Variants in HMCN1 observed in about 807,000 individuals in gnomAD.
HMCN1 encodes the protein hemicentin-1.
In HMCN1, 321 loss-of-function variants were observed where a neutral mutation model predicts 625.9. The ratio of observed to expected loss-of-function variants is 0.51; its 90% CI spans 0.47 to 0.56. HMCN1 has a LOEUF of 0.56. HMCN1 is among the 20% of genes least tolerant of loss of function. HMCN1 has a pLI of 0.00. For missense variants in HMCN1, 6,588 were observed against 6,887.3 expected, an observed-to-expected ratio of 0.96 and a Z score of 1.54; for synonymous variants, 2,425 against 2,417.6, an observed-to-expected ratio of 1.00 and a Z score of -0.09.
At chr1:185,967,615 A>C (rs927397302) in intron 14 of HMCN1, among the ~76,000 whole-genome samples, 1 of 152,030 alleles carries the variant, frequency 6.6e-6, no homozygotes, top group African/African-American at 2.4e-5. Context: ...TAAACAGAGT[A>C]GAGTTAGGAC....
At position 186,123,071 on chromosome 1, in the gene HMCN1, G is replaced by A. The variant is rs146369421; in HGVS notation, c.12350G>A (p.Arg4117His). The change falls in exon 81 of 107, where the codon CGT becomes CAT. Residue 4117 changes from arginine (R) to histidine (H), a missense_variant. Physicochemically the swap from Arg to His is conservative, Grantham distance 29. Transcript: ENST00000271588. ...GACATTACATGGCATAAAGATGGGCGTGCAATTGTGGAATCTATCCGCCAG... is the reference window on the plus strand; with the variant it reads ...GACATTACATGGCATAAAGATGGGCATGCAATTGTGGAATCTATCCGCCAG... ...PPDITWHKDGRAIVESIRQRV... is the reference protein window; with the variant it reads ...PPDITWHKDGHAIVESIRQRV... 8.7e-6 allele frequency: 14 copies of A among 1,613,968 alleles called. No individual in the cohort carries two copies. The highest frequency in any genetic ancestry group is 2.2e-5 in the South Asian group (2 of 91,084).
At chr1:185,889,193 C>T (rs1383116984) in intron 4 of HMCN1, among the ~76,000 whole-genome samples, 5 of 145,588 alleles carry the variant, frequency 3.4e-5, no homozygotes, top group Non-Finnish European at 4.4e-5. Context: ...TGCTTATCAG[C>T]TTAAGGAGAT....
chr1:185,931,883 T>C (rs1418163265), intron 10 of HMCN1, among the ~76,000 whole-genome samples: 7 of 152,234 alleles, frequency 4.6e-5, no homozygotes, highest in Non-Finnish European at 1.0e-4. Context: ...AACTGAACTA[T>C]TAATTTCACT....
At chr1:185,861,639 T>C (rs1346150418) in intron 2 of HMCN1, among the ~76,000 whole-genome samples, 3 of 152,234 alleles carry the variant, frequency 2.0e-5, no homozygotes, top group Non-Finnish European at 4.4e-5. Flanking sequence ...TCTGTCTATT[T>C]CCCACTTTCC....
At chr1:186,163,122 TC>T (rs1266246807) in intron 97 of HMCN1, among the ~76,000 whole-genome samples, 3 of 151,940 alleles carry the variant, frequency 2.0e-5, no homozygotes, top group Non-Finnish European at 2.9e-5. Flanking sequence ...CGGGCGCCCC[TC>T]CCCCAGCCTC....
intron 68 of HMCN1, among the ~76,000 whole-genome samples, chr1:186,099,690 A>G (rs889836833): frequency 3.3e-5 from 5 of 152,284 alleles, no homozygotes; most frequent in Admixed American, 1.3e-4. Context: ...CTCCTCAAGC[A>G]TAAATCTGAG....
rs77026548 is a variant in HMCN1 at position 186,074,767 on chromosome 1, T to C, written c.8166T>C (p.Asn2722=). Residue 2722 remains asparagine, a synonymous_variant, in exon 53 of 107, where the codon AAT becomes AAC. Coordinates refer to ENST00000271588, the MANE Select transcript of HMCN1 (RefSeq NM_031935.3). ...CCCTTAAATCCGATGATCATGTTAA[T>C]ATTGCTGCGAATGGACACACACTTC... The part of the protein sequence containing the change: ...GQPLKSDDHV[N]IAANGHTLQI... 5.4e-3 allele frequency: 8,753 copies of C among 1,612,996 alleles called. 390 individuals carry two copies. The African/African-American group carries it at 0.1, about 19-fold the overall frequency.
intron 11 of HMCN1, chr1:185,956,973 G>T (rs1257950425): frequency 6.6e-6 from 1 of 152,196 alleles, no homozygotes; most frequent in Non-Finnish European, 1.5e-5. Flanking sequence ...TGCACAGAGG[G>T]AAAAACATAA....
Position 186,122,982 on chromosome 1 carries a change from A to G in HMCN1, c.12261A>G (p.Glu4087=). 6.2e-7 allele frequency: 1 copy of G among 1,614,048 alleles called. No individual in the cohort carries two copies. Among genetic ancestry groups the G allele is most frequent in the Non-Finnish European group, 8.5e-7 (1 of 1,179,980 alleles). Residue 4087 remains glutamate, a synonymous_variant, in exon 81 of 107, where the codon GAA becomes GAG. Transcript: ENST00000271588. ...CAGTCATTAGCCCTCATCTAAAGGA[A>G]TATGTTATTGCTGTGGACAAGCCCA... The part of the protein sequence containing the change: ...VPPVISPHLK[E]YVIAVDKPIT...
At chr1:186,181,078 G>A (rs1652898323) in intron 104 of HMCN1, among the ~76,000 whole-genome samples, 2 of 152,156 alleles carry the variant, frequency 1.3e-5, no homozygotes, top group Admixed American at 6.5e-5. Flanking sequence ...ACACTTGGGG[G>A]TAGTGTAAAA....
At position 186,128,112 on chromosome 1, in the gene HMCN1, A is replaced by T; in HGVS notation, c.12725A>T (p.Asn4242Ile). The change falls in exon 83 of 107, where the codon AAC becomes ATC. Residue 4242 changes from asparagine (N) to isoleucine (I), a missense_variant. Transcript: ENST00000271588. ...EDSGFYTCVA[N>I]NAAGEDTHTV... ...TCTGGCTTCTATACCTGTGTTGCTA[A>T]CAATGCTGCAGGTGAAGATACACAC... 1 of 1,613,642 alleles carries T rather than the reference A, an allele frequency of 6.2e-7. No individual in the cohort carries two copies. Among genetic ancestry groups the T allele is most frequent in the South Asian group, 1.1e-5 (1 of 91,078 alleles).
chr1:185,853,151 G>T (rs895725650), intron 2 of HMCN1, among the ~76,000 whole-genome samples: 2 of 152,056 alleles, frequency 1.3e-5, no homozygotes, highest in African/African-American at 4.8e-5. Flanking sequence ...GGAAAGTAAA[G>T]AATTAAAGAC....
At chr1:185,929,296 A>G (rs539828326) in intron 10 of HMCN1, among the ~76,000 whole-genome samples, 2 of 152,284 alleles carry the variant, frequency 1.3e-5, no homozygotes, top group African/African-American at 4.8e-5. Flanking sequence ...GGCAGAAGTA[A>G]TGCTAATTAT....
chr1:185,960,427 C>G (rs555852718), intron 11 of HMCN1, among the ~76,000 whole-genome samples: 47 of 152,146 alleles, frequency 3.1e-4, no homozygotes, highest in Non-Finnish European at 2.8e-4. Flanking sequence ...CCATGCCCGG[C>G]AATCAGCAGG....
intron 17 of HMCN1, among the ~76,000 whole-genome samples, chr1:185,981,931 C>G (rs1171435813): frequency 2.0e-5 from 3 of 152,038 alleles, no homozygotes; most frequent in Admixed American, 1.3e-4. Context: ...TCCACTTTTC[C>G]ACTTATAAAT....
intron 32 of HMCN1, 42 bp from the exon 33 acceptor site, chr1:186,016,921 T>C: frequency 1.9e-6 from 2 of 1,071,002 alleles, no homozygotes; most frequent in Non-Finnish European, 2.9e-6. Flanking sequence ...TGTTTTTTGT[T>C]GTATACATTT....
intron 100 of HMCN1, among the ~76,000 whole-genome samples, chr1:186,170,274 A>G (rs886814385): frequency 7.9e-5 from 12 of 152,176 alleles, no homozygotes; most frequent in Admixed American, 5.2e-4. Flanking sequence ...TTTTAAGAGT[A>G]TTGAAGGGAG....
chr1:185,968,479 A>AC (rs1650577319), intron 14 of HMCN1, among the ~76,000 whole-genome samples: 1 of 146,858 alleles, frequency 6.8e-6, no homozygotes, highest in African/African-American at 2.6e-5. Context: ...TATTTCTAAA[A>AC]TTATATATAT....
intron 2 of HMCN1, among the ~76,000 whole-genome samples, chr1:185,861,971 G>A (rs573062071): frequency 3.3e-5 from 5 of 152,302 alleles, no homozygotes; most frequent in African/African-American, 1.2e-4. Context: ...GAAGAATTTA[G>A]ACATGCATAT....
Sources: gnomAD v4.1 joint callset for allele counts (sites outside exome capture counted in the v4.1 genomes callset) on GRCh38, gnomAD v4.1.1 for gene constraint, MANE v1.5 for transcripts, NCBI Gene and HGNC (gene_info 2026-07-23, HGNC 2026-07-21) for gene names.